Variants in LRRTM4 observed in about 807,000 individuals in gnomAD.
The protein encoded by LRRTM4 is leucine rich repeat transmembrane neuronal 4, also known as leucine-rich repeat transmembrane neuronal protein 4.
Under a neutral mutation model 47.6 loss-of-function variants are expected in LRRTM4, and 25 were observed. The observed-to-expected ratio is 0.53, with a 90% confidence interval of 0.38 to 0.73. The LOEUF is 0.73. Ranked by LOEUF, LRRTM4 falls within the 30% of genes least tolerant of loss-of-function variation. The probability of loss-of-function intolerance (pLI) is 0.00; values close to 1 mark genes in which losing one functional copy is unlikely to be tolerated. For missense variants in LRRTM4, 638 were observed against 713.4 expected (o/e 0.89, Z 1.20); for synonymous variants, 311 against 269.5 (o/e 1.15, Z -1.51).
chr2:76,856,312 A>C (rs1362736223), intron 3 of LRRTM4, among the ~76,000 whole-genome samples: 2 of 152,060 alleles, frequency 1.3e-5, no homozygotes, highest in African/African-American at 2.4e-5. Flanking sequence ...AAAAAGTATA[A>C]ATTTTGAAAA....
At chr2:77,219,813 C>T (rs1455106660) in intron 3 of LRRTM4, among the ~76,000 whole-genome samples, 3 of 152,150 alleles carry the variant, frequency 2.0e-5, no homozygotes, top group Admixed American at 6.5e-5. Flanking sequence ...CAGCAATAAC[C>T]TCTGCAGACT....
chr2:76,903,461 G>C (rs1031959102), intron 3 of LRRTM4, among the ~76,000 whole-genome samples: 4 of 152,084 alleles, frequency 2.6e-5, no homozygotes, highest in African/African-American at 9.7e-5. Context: ...GCATGAACTT[G>C]GGAGGCTGAG....
At chr2:77,511,322 T>C (rs1678979937) in intron 3 of LRRTM4, among the ~76,000 whole-genome samples, 1 of 152,090 alleles carries the variant, frequency 6.6e-6, no homozygotes, top group African/African-American at 2.4e-5. Flanking sequence ...GTATTCAGTA[T>C]ACATGTTAGT....
In LRRTM4 at chr2:77,490,250, A is replaced by T. The variant is rs568869728; in HGVS notation, c.1551+28068T>A. ...GGGTAACAGAGTGTGACTCTGTCTC[A>T]AAAAAAACAAAACAAAACAAAAAAA... On this transcript the variant is annotated intron_variant, in intron 3 of 3. Transcript: ENST00000409884. Among the ~76,000 whole-genome samples the T allele has an allele frequency of 4.1e-5, 4 of 96,802 alleles. No individual in the cohort carries two copies. In the East Asian group the frequency reaches 6.5e-4, roughly 16 times the overall value. 63.5% of individuals were successfully genotyped at this position (96,802 alleles called of 152,430 possible).
chr2:77,022,223 A>C (rs1678299727), intron 3 of LRRTM4, among the ~76,000 whole-genome samples: 1 of 152,138 alleles, frequency 6.6e-6, no homozygotes, highest in South Asian at 2.1e-4. Flanking sequence ...ATTCACTACC[A>C]TGGGAACAGT....
intron 3 of LRRTM4, among the ~76,000 whole-genome samples, chr2:77,252,092 C>T (rs1356791928): frequency 6.6e-6 from 1 of 152,162 alleles, no homozygotes; most frequent in Non-Finnish European, 1.5e-5. Context: ...GTCAACAAAT[C>T]CGTCATTCAC....
chr2:77,170,719 G>A (rs146564804), intron 3 of LRRTM4, among the ~76,000 whole-genome samples: 227 of 152,174 alleles, frequency 1.5e-3, no homozygotes, highest in African/African-American at 5.2e-3. Flanking sequence ...AGCAGGTAAT[G>A]TGAATCAGTT....
At chr2:77,403,584 G>A (rs1674050291) in intron 3 of LRRTM4, among the ~76,000 whole-genome samples, 1 of 151,748 alleles carries the variant, frequency 6.6e-6, no homozygotes, top group African/African-American at 2.4e-5. Context: ...TTCATCTCCT[G>A]TTCTACTGAA....
intron 3 of LRRTM4, among the ~76,000 whole-genome samples, chr2:77,417,218 C>T (rs1674670726): frequency 6.6e-6 from 1 of 152,126 alleles, no homozygotes; most frequent in South Asian, 2.1e-4. Context: ...GTTAGAATGG[C>T]AGTCATTAAA....
chr2:77,459,924 A>C (rs888818047), intron 3 of LRRTM4, among the ~76,000 whole-genome samples: 3 of 149,872 alleles, frequency 2.0e-5, no homozygotes, highest in African/African-American at 7.3e-5. Context: ...TCTGCCTCTT[A>C]CTATGTTTAG....
At chr2:76,879,168 T>C (rs994146182) in intron 3 of LRRTM4, among the ~76,000 whole-genome samples, 1 of 152,196 alleles carries the variant, frequency 6.6e-6, no homozygotes, top group Non-Finnish European at 1.5e-5. Context: ...TTAGTGAAAC[T>C]GGCTAACATT....
chr2:76,903,489 T>C (rs1166269540), intron 3 of LRRTM4, among the ~76,000 whole-genome samples: 3 of 152,108 alleles, frequency 2.0e-5, no homozygotes, highest in Admixed American at 1.3e-4. Flanking sequence ...TGAGCCGAGA[T>C]TGCATCACTG....
At chr2:77,262,614 T>G (rs1675948549) in intron 3 of LRRTM4, among the ~76,000 whole-genome samples, 1 of 151,958 alleles carries the variant, frequency 6.6e-6, no homozygotes, top group African/African-American at 2.4e-5. Context: ...TTTGATGACC[T>G]TTACAATTTT....
intron 3 of LRRTM4, among the ~76,000 whole-genome samples, chr2:77,434,694 A>G (rs1675522034): frequency 6.6e-6 from 1 of 152,190 alleles, no homozygotes. Flanking sequence ...TTTATCTTCT[A>G]AACAACTCCA....
At chr2:77,043,985 G>A (rs903792660) in intron 3 of LRRTM4, among the ~76,000 whole-genome samples, 6 of 151,526 alleles carry the variant, frequency 4.0e-5, no homozygotes, top group Admixed American at 3.3e-4. Flanking sequence ...ATTCCAGGGT[G>A]TGCAATGCTC....
intron 3 of LRRTM4, among the ~76,000 whole-genome samples, chr2:76,911,771 T>C (rs1026477337): frequency 1.3e-5 from 2 of 152,054 alleles, no homozygotes; most frequent in East Asian, 3.9e-4. Flanking sequence ...TGACATGTAA[T>C]ATACACACTG....
intron 3 of LRRTM4, among the ~76,000 whole-genome samples, chr2:77,501,411 A>C (rs558282808): frequency 1.1e-4 from 17 of 150,926 alleles, no homozygotes; most frequent in African/African-American, 4.1e-4. Context: ...TAACTACTTA[A>C]TGATTTACAA....
intron 3 of LRRTM4, among the ~76,000 whole-genome samples, chr2:77,469,399 A>G (rs1387759233): frequency 1.3e-5 from 2 of 151,288 alleles, no homozygotes; most frequent in Non-Finnish European, 2.9e-5. Flanking sequence ...AAAATCCTAC[A>G]AAGAATTCAA....
At position 76,774,438 on chromosome 2, in the gene LRRTM4, C is replaced by A. The variant is rs377383086; in HGVS notation, c.1552-25522G>T. On this transcript the variant is annotated intron_variant, in intron 3 of 3. Transcript: ENST00000409884. ...ATCTCCTGACCTCGTGATCTGCCTGCCTTGGCCTCACAAAGTGCTGGGATT... is the reference window on the plus strand; with the variant it reads ...ATCTCCTGACCTCGTGATCTGCCTGACTTGGCCTCACAAAGTGCTGGGATT... Among the ~76,000 whole-genome samples, 6 of 152,226 alleles carry A rather than the reference C, an allele frequency of 3.9e-5. No individual in the cohort carries two copies. The East Asian group carries it at 7.7e-4, about 20-fold the overall frequency.
Sources: gnomAD v4.1 joint callset for allele counts (sites outside exome capture counted in the v4.1 genomes callset) on GRCh38, gnomAD v4.1.1 for gene constraint, MANE v1.5 for transcripts, NCBI Gene and HGNC (gene_info 2026-07-23, HGNC 2026-07-21) for gene names.